Variants in HEATR5B observed in about 807,000 individuals in gnomAD.
The protein encoded by HEATR5B is HEAT repeat-containing protein 5B.
In HEATR5B, 156 loss-of-function variants were observed where a neutral mutation model predicts 224.1. The ratio of observed to expected loss-of-function variants is 0.70; its 90% confidence interval spans 0.61 to 0.80. The LOEUF (loss-of-function observed/expected upper bound fraction) is 0.80. Among genes scored for constraint, HEATR5B ranks in the 30% least tolerant of loss-of-function variants. The probability of loss-of-function intolerance (pLI) is 0.00; values close to 1 mark genes in which losing one functional copy is unlikely to be tolerated. For synonymous variants in HEATR5B, 1,027 were observed against 893.0 expected (o/e 1.15, Z -2.68); for missense variants, 2,323 against 2,535.5 (o/e 0.92, Z 1.80).
At chr2:36,984,695 C>A (rs971161702) in intron 35 of HEATR5B, among the ~76,000 whole-genome samples, 3 of 152,054 alleles carry the variant, frequency 2.0e-5, no homozygotes, top group South Asian at 2.1e-4. Flanking sequence ...TTAGTAGGTA[C>A]ACGTTGGGGA....
intron 35 of HEATR5B, among the ~76,000 whole-genome samples, chr2:36,985,621 C>CTTTTTTTTTTTTTTTTTT (rs558499229): frequency 1.1e-5 from 1 of 92,298 alleles, no homozygotes; most frequent in Non-Finnish European, 2.1e-5. Flanking sequence ...CCACTCCTGG[C>CTTTTTTTTTTTTTTTTTT]TTTTTTTTTT....
intron 24 of HEATR5B, among the ~76,000 whole-genome samples, chr2:37,024,151 C>T (rs1668626885): frequency 6.6e-6 from 1 of 152,118 alleles, no homozygotes; most frequent in South Asian, 2.1e-4. Context: ...ATGTCAGGCA[C>T]AGAAAAATAC....
intron 27 of HEATR5B, among the ~76,000 whole-genome samples, chr2:37,010,933 T>C (rs896132066): frequency 1.7e-4 from 26 of 151,808 alleles, no homozygotes; most frequent in African/African-American, 5.6e-4. Context: ...AAATAATACA[T>C]AGTTTTTGCT....
chr2:37,011,346 G>A (rs1028329874), intron 27 of HEATR5B, among the ~76,000 whole-genome samples: 5 of 152,132 alleles, frequency 3.3e-5, no homozygotes, highest in Non-Finnish European at 5.9e-5. Context: ...TCATATAGAC[G>A]GAGCACAGGT....
chr2:37,069,858 T>A (rs991453304), intron 7 of HEATR5B, among the ~76,000 whole-genome samples: 2 of 151,624 alleles, frequency 1.3e-5, no homozygotes, highest in Non-Finnish European at 2.9e-5. Flanking sequence ...TGTTACTTAG[T>A]AACAGTTTTC....
intron 10 of HEATR5B, 124 bp downstream of exon 10, chr2:37,064,616 A>T: frequency 7.9e-6 from 7 of 886,510 alleles, no homozygotes; most frequent in Non-Finnish European, 1.2e-5. Context: ...TAAGAACACT[A>T]TGTTTTATGA....
chr2:37,064,841 T>C lies in HEATR5B; in HGVS notation c.1483A>G (p.Lys495Glu). The C allele has an allele frequency of 6.2e-7, 1 of 1,614,124 alleles. No individual in the cohort carries two copies. The highest frequency in any genetic ancestry group is 8.5e-7 in the Non-Finnish European group (1 of 1,180,010). ...CCACTGACAGCTTCTGGTGAGGTCT[T>C]CAAGTTGTTGAGCCGTTCTGCACAC... is the stretch of plus-strand genomic sequence containing the variant. Reference protein sequence around the residue: ...DRCAERLNNLKTSPEAVSGYS... With the variant: ...DRCAERLNNLETSPEAVSGYS... The change falls in exon 10 of 36, where the codon AAG becomes GAG. Residue 495 changes from lysine to glutamate, a missense_variant. This residue lies in a region of HEATR5B where 502 missense variants were observed against 517.8 expected (regional missense o/e 0.97). Transcript: ENST00000233099.
intron 17 of HEATR5B, among the ~76,000 whole-genome samples, chr2:37,051,596 G>T (rs1273969732): frequency 1.3e-5 from 2 of 152,026 alleles, no homozygotes; most frequent in African/African-American, 4.8e-5. Flanking sequence ...ATTACAGTTG[G>T]TTCACTACTC....
chr2:36,984,225 T>TATATATATATATATATATATA (rs1242428169), intron 35 of HEATR5B, among the ~76,000 whole-genome samples: 8 of 75,304 alleles, frequency 1.1e-4, no homozygotes, highest in African/African-American at 4.8e-4. Flanking sequence ...AATATATATA[T>TATATATATATATATATATATA]ATATATATAT....
At chr2:37,070,491 A>T in intron 6 of HEATR5B, 104 bp from the exon 7 acceptor site, 1 of 822,004 alleles carries the variant, frequency 1.2e-6, no homozygotes, top group East Asian at 2.7e-5. Context: ...CAATGGGGAA[A>T]TGGTTTAGTT....
At chr2:36,987,542 C>T (rs1436737327) in intron 35 of HEATR5B, among the ~76,000 whole-genome samples, 1 of 151,302 alleles carries the variant, frequency 6.6e-6, no homozygotes, top group African/African-American at 2.4e-5. Flanking sequence ...TTTTGAAGGA[C>T]AAATATTGTG....
intron 27 of HEATR5B, among the ~76,000 whole-genome samples, chr2:37,013,367 T>A (rs1365142096): frequency 2.0e-5 from 3 of 152,168 alleles, no homozygotes; most frequent in Non-Finnish European, 4.4e-5. Context: ...ACTGTGAGAA[T>A]GAAAAAGGTA....
chr2:37,043,653 A>T (rs988721718), intron 18 of HEATR5B, among the ~76,000 whole-genome samples: 1 of 152,192 alleles, frequency 6.6e-6, no homozygotes, highest in African/African-American at 2.4e-5. Flanking sequence ...TTCTTCAGTT[A>T]ATAATGCAAA....
At chr2:37,009,256 C>CAAAAA (rs57022846) in intron 27 of HEATR5B, among the ~76,000 whole-genome samples, 13 of 65,660 alleles carry the variant, frequency 2.0e-4, no homozygotes, top group East Asian at 7.9e-4. Context: ...GACTCTGTCT[C>CAAAAA]AAAAAAAAAA....
chr2:37,056,590 C>T lies in HEATR5B; in HGVS notation c.2249G>A (p.Ser750Asn), dbSNP rs539077682. ...DQLQPNSASG[S>N]GALEHDPSSI... Reference sequence around the variant, plus strand: ...GGAAGGATCATGCTCCAGAGCCCCACTTCCAGAGGCACTGTTTGGCTGGAG... The same window carrying T: ...GGAAGGATCATGCTCCAGAGCCCCATTTCCAGAGGCACTGTTTGGCTGGAG... Residue 750 changes from serine to asparagine, a missense_variant, in exon 16 of 36, where the codon AGT (serine) becomes AAT (asparagine). This residue lies in a region of HEATR5B where 170 missense variants were observed against 216.7 expected (regional missense o/e 0.78). Coordinates refer to ENST00000233099, the MANE Select transcript of HEATR5B (RefSeq NM_019024.3). 6.2e-7 allele frequency: 1 copy of T among 1,601,912 alleles called. No homozygotes were observed. Among genetic ancestry groups the T allele is most frequent in the East Asian group, 2.2e-5 (1 of 44,458 alleles).
At chr2:36,996,226 A>G (rs1242970994) in intron 33 of HEATR5B, among the ~76,000 whole-genome samples, 1 of 151,574 alleles carries the variant, frequency 6.6e-6, no homozygotes, top group African/African-American at 2.4e-5. Flanking sequence ...ACGCCCAGCT[A>G]ATTTTTTCTG....
At chr2:37,064,717 C>T in intron 10 of HEATR5B, 23 bp downstream of exon 10, 1 of 1,610,738 alleles carries the variant, frequency 6.2e-7, no homozygotes, top group Non-Finnish European at 8.5e-7. Flanking sequence ...ACAGCATTCC[C>T]AAGTCTAGGA....
chr2:36,994,404 T>C (rs1572751155), intron 33 of HEATR5B, among the ~76,000 whole-genome samples: 2 of 152,348 alleles, frequency 1.3e-5, no homozygotes, highest in Admixed American at 1.3e-4. Flanking sequence ...ATATCCTTTT[T>C]AAAGTGAAAG....
At chr2:37,062,085 A>C (rs1671316171) in intron 10 of HEATR5B, 35 bp from the exon 11 acceptor site, 1 of 1,237,408 alleles carries the variant, frequency 8.1e-7, no homozygotes, top group Non-Finnish European at 1.2e-6. Flanking sequence ...TTTTAATTCA[A>C]ACAAGTTAAA....
Sources: allele counts gnomAD v4.1 joint callset (sites outside exome capture counted in the v4.1 genomes callset), GRCh38; gene constraint gnomAD v4.1.1; regional missense constraint gnomAD v4.1.1; transcripts MANE v1.5; gene names NCBI Gene and HGNC (gene_info 2026-07-23, HGNC 2026-07-21).